The following PTPRT variants were observed in gnomAD, a reference collection of about 807,000 sequenced individuals.
The protein encoded by PTPRT is protein tyrosine phosphatase receptor type T.
In PTPRT, 56 loss-of-function variants were observed where a neutral mutation model predicts 176.8. The observed-to-expected ratio is 0.32, with a 90% confidence interval of 0.26 to 0.40. The LOEUF is 0.40. Ranked by LOEUF, PTPRT falls within the 10% of genes least tolerant of loss-of-function variation. The probability of loss-of-function intolerance (pLI) is 1.00; values close to 1 mark genes in which losing one functional copy is unlikely to be tolerated. For missense variants in PTPRT, 1,540 were observed against 1,908.2 expected (o/e 0.81, Z 3.60); for synonymous variants, 783 against 739.0 (o/e 1.06, Z -0.96).
chr20:43,046,828 C>T (rs531456812), intron 1 of PTPRT, among the ~76,000 whole-genome samples: 7 of 152,260 alleles, frequency 4.6e-5, no homozygotes, highest in African/African-American at 1.7e-4. Flanking sequence ...TTGATGAAGG[C>T]TCACAGTGAG....
At chr20:43,041,491 C>T (rs532025062) in intron 1 of PTPRT, among the ~76,000 whole-genome samples, 24 of 152,318 alleles carry the variant, frequency 1.6e-4, no homozygotes, top group African/African-American at 5.5e-4. Context: ...GGGACAAGTC[C>T]GCCCTGTCTC....
At chr20:42,561,203 C>T (rs2072946171) in intron 7 of PTPRT, among the ~76,000 whole-genome samples, 1 of 152,200 alleles carries the variant, frequency 6.6e-6, no homozygotes, top group African/African-American at 2.4e-5. Flanking sequence ...AACGTCTGTG[C>T]CAGTTTCCTT....
chr20:43,095,355 G>T (rs529017478), intron 1 of PTPRT, among the ~76,000 whole-genome samples: 1 of 152,098 alleles, frequency 6.6e-6, no homozygotes, highest in African/African-American at 2.4e-5. Context: ...TTACAGCTGA[G>T]AACTAAAGAG....
chr20:42,080,812 C>T lies in PTPRT; in HGVS notation c.*67G>A. On this transcript the variant is annotated 3_prime_UTR_variant, in exon 31 of 31. Coordinates refer to ENST00000373187, the MANE Select transcript of PTPRT (RefSeq NM_007050.6). ...CAGAGCTCCTGAGCCCAGTTACTGCCATTCACACAAAAGGGGGCTTGGTCA... is the reference window on the plus strand; with the variant it reads ...CAGAGCTCCTGAGCCCAGTTACTGCTATTCACACAAAAGGGGGCTTGGTCA... The T allele has an allele frequency of 1.3e-6, 2 of 1,486,046 alleles. No individual in the cohort carries two copies. Among genetic ancestry groups the T allele is most frequent in the Non-Finnish European group, 1.9e-6 (2 of 1,067,408 alleles). 92.1% of individuals were successfully genotyped at this position (1,486,046 alleles called of 1,614,324 possible).
chr20:42,833,110 G>A (rs976726745), intron 2 of PTPRT, among the ~76,000 whole-genome samples: 2 of 151,804 alleles, frequency 1.3e-5, no homozygotes, highest in Non-Finnish European at 2.9e-5. Context: ...AAAAATATAC[G>A]AGAGAAAACT....
intron 7 of PTPRT, among the ~76,000 whole-genome samples, chr20:42,510,737 A>T (rs1478527680): frequency 6.6e-6 from 1 of 152,200 alleles, no homozygotes; most frequent in Non-Finnish European, 1.5e-5. Flanking sequence ...AGCAGGTGGC[A>T]AAGCCATTTC....
chr20:42,074,819 T>C lies in PTPRT; in HGVS notation c.*6060A>G. 7.5e-6 allele frequency: 3 copies of C among 398,650 alleles called. No individual in the cohort carries two copies. The highest frequency in any genetic ancestry group is 1.3e-5 in the Non-Finnish European group (3 of 226,066). The allele number at this position is 398,650 out of a possible 1,614,324, so 24.7% of individuals were successfully genotyped here. ...GGCAGGTGGGATGCAAAAGACTGGC[T>C]TGATCTCTACAAGACATCTCTATAG... On this transcript the variant is annotated 3_prime_UTR_variant, in exon 31 of 31. Coordinates refer to ENST00000373187, the MANE Select transcript of PTPRT (RefSeq NM_007050.6).
intron 1 of PTPRT, among the ~76,000 whole-genome samples, chr20:43,143,847 C>G (rs2014090119): frequency 6.6e-6 from 1 of 152,158 alleles, no homozygotes; most frequent in African/African-American, 2.4e-5. Flanking sequence ...AAGACCAGAC[C>G]AGGATGGTGT....
chr20:42,301,807 GA>G (rs146765980), intron 12 of PTPRT, among the ~76,000 whole-genome samples: 1 of 151,800 alleles, frequency 6.6e-6, no homozygotes. Flanking sequence ...AAACTACCTT[GA>G]AAAAAAGGAG....
At chr20:42,951,074 G>A (rs948418411) in intron 1 of PTPRT, among the ~76,000 whole-genome samples, 10 of 152,156 alleles carry the variant, frequency 6.6e-5, no homozygotes, top group Non-Finnish European at 1.5e-4. Flanking sequence ...TGACTGGTTG[G>A]ATGAATAGAA....
chr20:42,441,242 G>A (rs143026205), intron 9 of PTPRT, among the ~76,000 whole-genome samples: 6 of 152,290 alleles, frequency 3.9e-5, no homozygotes, highest in African/African-American at 1.2e-4. Context: ...GGAAACAGAG[G>A]GGAACCTGTT....
At chr20:42,493,021 GCTGCTAACTTGTATCCAC>G (rs2071588110) in intron 7 of PTPRT, among the ~76,000 whole-genome samples, 1 of 152,050 alleles carries the variant, frequency 6.6e-6, no homozygotes. Flanking sequence ...CCCTAGTATG[GCTGCTAACTTGTATCCAC>G]CTTAAATGAT....
At chr20:43,177,046 T>C (rs1354395566) in intron 1 of PTPRT, among the ~76,000 whole-genome samples, 2 of 152,198 alleles carry the variant, frequency 1.3e-5, no homozygotes, top group Non-Finnish European at 2.9e-5. Flanking sequence ...ATGTATAAGT[T>C]TGGGAGCACA....
At chr20:42,286,976 CAA>C (rs2057240540) in intron 12 of PTPRT, among the ~76,000 whole-genome samples, 1 of 151,714 alleles carries the variant, frequency 6.6e-6, no homozygotes, top group South Asian at 2.1e-4. Context: ...AAATGGCCAA[CAA>C]ATATATAAAA....
At chr20:42,843,020 C>T (rs2078306319) in intron 2 of PTPRT, among the ~76,000 whole-genome samples, 1 of 152,146 alleles carries the variant, frequency 6.6e-6, no homozygotes, top group Non-Finnish European at 1.5e-5. Context: ...GACCACAGAA[C>T]CCATCTAGTC....
At chr20:43,048,698 T>A (rs1290980492) in intron 1 of PTPRT, among the ~76,000 whole-genome samples, 2 of 151,956 alleles carry the variant, frequency 1.3e-5, no homozygotes, top group Non-Finnish European at 2.9e-5. Context: ...GGGGAAAAAA[T>A]GTTTCTGCTT....
At chr20:43,032,354 C>G (rs1050321177) in intron 1 of PTPRT, among the ~76,000 whole-genome samples, 1 of 151,048 alleles carries the variant, frequency 6.6e-6, no homozygotes, top group African/African-American at 2.4e-5. Context: ...CACCATTGCA[C>G]AAAATTCTAT....
At chr20:42,396,168 C>T (rs114304479) in intron 9 of PTPRT, among the ~76,000 whole-genome samples, 3,262 of 152,288 alleles carry the variant, frequency 0.021, 132 homozygotes, top group African/African-American at 0.075. Flanking sequence ...TCTTTCCTAT[C>T]TCAGTTAATA....
At chr20:42,787,408 G>T (rs1008099315) in intron 3 of PTPRT, among the ~76,000 whole-genome samples, 1 of 152,184 alleles carries the variant, frequency 6.6e-6, no homozygotes, top group Non-Finnish European at 1.5e-5. Context: ...CAAACTTAGA[G>T]GCAAGACAGG....
Sources: gnomAD v4.1 joint callset for allele counts (sites outside exome capture counted in the v4.1 genomes callset) on GRCh38, gnomAD v4.1.1 for gene constraint, MANE v1.5 for transcripts, NCBI Gene and HGNC (gene_info 2026-07-23, HGNC 2026-07-21) for gene names.